IL1RL1: variants seen among roughly 807,000 people sequenced by gnomAD.
The protein encoded by IL1RL1 is interleukin 1 receptor like 1.
Under a neutral mutation model 50.9 loss-of-function variants are expected in IL1RL1, and 32 were observed. That is an observed-to-expected ratio of 0.63 (90% confidence interval 0.47 to 0.84). The LOEUF is 0.84. Ranked by LOEUF, IL1RL1 falls within the 40% of genes least tolerant of loss-of-function variation. IL1RL1 has a pLI of 0.00. For synonymous variants in IL1RL1, 275 were observed against 236.0 expected (o/e 1.17, Z -1.51); for missense variants, 773 against 662.9 (o/e 1.17, Z -1.82).
intron 5 of IL1RL1, chr2:102,341,243 T>C (rs1176521820): frequency 1.5e-5 from 19 of 1,237,684 alleles, no homozygotes; most frequent in Non-Finnish European, 1.8e-5. Flanking sequence ...GTAATACTCA[T>C]TGGATTCAAA....
intron 5 of IL1RL1, 38 bp from the exon 6 acceptor site, chr2:102,342,185 A>AT (rs757679266): frequency 7.2e-7 from 1 of 1,393,462 alleles, no homozygotes; most frequent in South Asian, 1.2e-5. Context: ...CTAGCATTCA[A>AT]TGCTCTCCTA....
At chr2:102,347,083 A>T (rs1432578546) in intron 8 of IL1RL1, among the ~76,000 whole-genome samples, 1 of 152,198 alleles carries the variant, frequency 6.6e-6, no homozygotes, top group African/African-American at 2.4e-5. Flanking sequence ...TTTATCAAAG[A>T]CGCTTTAGCC....
Position 102,343,390 on chromosome 2 carries a change from C to T in IL1RL1, c.945C>T (p.Thr315=), listed in dbSNP as rs372391703. The T allele has an allele frequency of 6.4e-5, 104 of 1,614,030 alleles. No homozygotes were observed. Among genetic ancestry groups the T allele is most frequent in the Admixed American group, 3.0e-4 (18 of 59,998 alleles). The change falls in exon 8 of 11, where the codon ACC becomes ACT. Residue 315 remains threonine, a synonymous_variant. Coordinates refer to ENST00000233954, the MANE Select transcript of IL1RL1 (RefSeq NM_016232.5). The stretch of plus-strand genomic sequence containing the variant: ...ATTTGCATGGCTTGAGAAGGCACAC[C>T]GTAAGACTAAGTAGGAAAAATCCAA... ...ALNLHGLRRH[T]VRLSRKNPID...
intron 1 of IL1RL1, among the ~76,000 whole-genome samples, chr2:102,318,895 A>T (rs1056739891): frequency 1.3e-5 from 2 of 152,202 alleles, no homozygotes; most frequent in African/African-American, 4.8e-5. Flanking sequence ...AATTTAAACT[A>T]ATTATTAACA....
chr2:102,340,654 T>A lies in IL1RL1; in HGVS notation c.448-12T>A, dbSNP rs750531627. 1 of 1,578,448 alleles carries A rather than the reference T, an allele frequency of 6.3e-7. No homozygotes were observed. Among genetic ancestry groups the A allele is most frequent in the Non-Finnish European group, 8.5e-7 (1 of 1,169,826 alleles). On this transcript the variant is annotated splice_polypyrimidine_tract_variant and intron_variant, in intron 4 of 10. Coordinates refer to ENST00000233954, the MANE Select transcript of IL1RL1 (RefSeq NM_016232.5). ...AGAATTACTGAGAAGGAAATGGAAT[T>A]TCTTATTTCAGAATTGTCAGGCTCT... is the stretch of plus-strand genomic sequence containing the variant.
At chr2:102,328,619 T>G (rs1454081440) in intron 1 of IL1RL1, among the ~76,000 whole-genome samples, 5 of 152,004 alleles carry the variant, frequency 3.3e-5, no homozygotes, top group African/African-American at 7.2e-5. Context: ...ATCATCTCCT[T>G]AAGCTGATAG....
intron 5 of IL1RL1, chr2:102,341,359 T>C: frequency 1.7e-6 from 2 of 1,202,776 alleles, no homozygotes; most frequent in South Asian, 1.6e-5. Flanking sequence ...TGGCCTTGAG[T>C]AAGTCACTTC....
At chr2:102,319,226 A>G (rs1676765696) in intron 1 of IL1RL1, among the ~76,000 whole-genome samples, 1 of 152,122 alleles carries the variant, frequency 6.6e-6, no homozygotes, top group African/African-American at 2.4e-5. Flanking sequence ...GTGACTGTCC[A>G]TAGAACACAT....
At chr2:102,341,245 G>T in intron 5 of IL1RL1, 2 of 1,232,932 alleles carry the variant, frequency 1.6e-6, no homozygotes, top group Non-Finnish European at 1.0e-6. Context: ...AATACTCATT[G>T]GATTCAAAGT....
intron 1 of IL1RL1, among the ~76,000 whole-genome samples, chr2:102,336,037 G>A (rs967116578): frequency 2.6e-5 from 4 of 152,274 alleles, no homozygotes; most frequent in Non-Finnish European, 5.9e-5. Flanking sequence ...CAGGCTGAAA[G>A]GCTGACTAAA....
At chr2:102,347,722 C>T (rs1486670014) in intron 8 of IL1RL1, among the ~76,000 whole-genome samples, 1 of 152,174 alleles carries the variant, frequency 6.6e-6, no homozygotes, top group Non-Finnish European at 1.5e-5. Context: ...ACAAGTGTCT[C>T]TCTGCCTCTT....
At chr2:102,327,785 C>T (rs1256876106) in intron 1 of IL1RL1, among the ~76,000 whole-genome samples, 3 of 152,190 alleles carry the variant, frequency 2.0e-5, no homozygotes, top group East Asian at 1.9e-4. Context: ...TTCACATACA[C>T]TCTCCCAAGA....
chr2:102,351,774 G>A lies in IL1RL1; in HGVS notation c.1524G>A (p.Gly508=), dbSNP rs773744960. The A allele has an allele frequency of 6.2e-7, 1 of 1,614,106 alleles. No individual in the cohort carries two copies. Among genetic ancestry groups the A allele is most frequent in the Non-Finnish European group, 8.5e-7 (1 of 1,180,006 alleles). Residue 508 remains glycine (G), a synonymous_variant, in exon 11 of 11, where the codon GGG becomes GGA. Coordinates refer to ENST00000233954, the MANE Select transcript of IL1RL1 (RefSeq NM_016232.5). ...TCCAGCATCTTATGAAAGTACAGGG[G>A]ACCATCAAGTGGAGGGAGGACCACA... is the stretch of plus-strand genomic sequence containing the variant. The part of the protein sequence containing the change: ...DSLQHLMKVQ[G]TIKWREDHIA...
intron 10 of IL1RL1, among the ~76,000 whole-genome samples, chr2:102,349,665 T>G (rs565785821): frequency 6.6e-6 from 1 of 152,332 alleles, no homozygotes; most frequent in East Asian, 1.9e-4. Context: ...TCAGAGAGTC[T>G]TCATGACTTT....
In IL1RL1 at chr2:102,343,133, C is replaced by G; in HGVS notation, c.780C>G (p.Asp260Glu). Residue 260 changes from aspartate to glutamate, a missense_variant, in exon 7 of 11, where the codon GAC becomes GAG. Coordinates refer to ENST00000233954, the MANE Select transcript of IL1RL1 (RefSeq NM_016232.5). ...LWQLNGTKITDFGEPRIQQEE... is the reference protein window; with the variant it reads ...LWQLNGTKITEFGEPRIQQEE... ...AGCTTAATGGAACAAAAATTACAGA[C>G]TTTGGTGAACCAAGAATTCAACAAG... The G allele has an allele frequency of 3.7e-6, 6 of 1,614,064 alleles. No homozygotes were observed. Among genetic ancestry groups the G allele is most frequent in the Non-Finnish European group, 5.1e-6 (6 of 1,179,968 alleles).
intron 1 of IL1RL1, among the ~76,000 whole-genome samples, chr2:102,324,840 A>G (rs1216379048): frequency 6.6e-6 from 1 of 152,206 alleles, no homozygotes. Context: ...GAGTGGGTAA[A>G]CAAAGCAGCC....
At chr2:102,325,240 A>G (rs1352362870) in intron 1 of IL1RL1, among the ~76,000 whole-genome samples, 5 of 152,188 alleles carry the variant, frequency 3.3e-5, no homozygotes, top group Non-Finnish European at 7.4e-5. Flanking sequence ...CCAGGCAAAC[A>G]GGGTCTGGAG....
chr2:102,317,433 A>T (rs1676711011), intron 1 of IL1RL1, among the ~76,000 whole-genome samples: 1 of 152,200 alleles, frequency 6.6e-6, no homozygotes, highest in Non-Finnish European at 1.5e-5. Flanking sequence ...CAGATAGTTT[A>T]AGAATAATAA....
chr2:102,312,089 AT>A (rs1269998080), intron 1 of IL1RL1, among the ~76,000 whole-genome samples: 2 of 96,834 alleles, frequency 2.1e-5, no homozygotes, highest in African/African-American at 4.0e-5. Flanking sequence ...TTATAACATT[AT>A]TATATATTAA....
Sources: allele counts gnomAD v4.1 joint callset (sites outside exome capture counted in the v4.1 genomes callset), GRCh38; gene constraint gnomAD v4.1.1; transcripts MANE v1.5; gene names NCBI Gene and HGNC (gene_info 2026-07-23, HGNC 2026-07-21).